SYN3: variants seen among roughly 807,000 people sequenced by gnomAD.
SYN3 encodes synapsin-3.
In SYN3, 35 loss-of-function variants were observed where a neutral mutation model predicts 65.8. The ratio of observed to expected loss-of-function variants is 0.53; its 90% CI spans 0.41 to 0.70. The LOEUF (loss-of-function observed/expected upper bound fraction) is 0.70. SYN3 is among the 30% of genes least tolerant of loss of function. The probability of loss-of-function intolerance (pLI) is 0.00; values close to 1 mark genes in which losing one functional copy is unlikely to be tolerated. For missense variants in SYN3, 680 were observed against 749.0 expected (o/e 0.91, Z 1.08); for synonymous variants, 270 against 292.9 (o/e 0.92, Z 0.80).
At chr22:32,735,216 C>T (rs2061323633) in intron 6 of SYN3, among the ~76,000 whole-genome samples, 1 of 152,186 alleles carries the variant, frequency 6.6e-6, no homozygotes, top group South Asian at 2.1e-4. Flanking sequence ...GATCAAGCCC[C>T]ATATCTGCAT....
chr22:32,579,299 T>G (rs1038611389), intron 7 of SYN3, among the ~76,000 whole-genome samples: 2 of 152,200 alleles, frequency 1.3e-5, no homozygotes, highest in Non-Finnish European at 2.9e-5. Context: ...ACAAAATATC[T>G]TAGACTGGAT....
chr22:32,632,190 C>G (rs140162882), intron 6 of SYN3, among the ~76,000 whole-genome samples: 66 of 152,316 alleles, frequency 4.3e-4, no homozygotes, highest in African/African-American at 1.5e-3. Flanking sequence ...CCTGGGTGTT[C>G]CAGCATACAC....
At chr22:33,033,502 C>A (rs980414398) in intron 1 of SYN3, among the ~76,000 whole-genome samples, 1 of 152,116 alleles carries the variant, frequency 6.6e-6, no homozygotes, top group Non-Finnish European at 1.5e-5. Flanking sequence ...CATTATCCCA[C>A]GGTATTTTCT....
chr22:32,795,494 C>T (rs555001766), intron 6 of SYN3, among the ~76,000 whole-genome samples: 21 of 152,244 alleles, frequency 1.4e-4, no homozygotes, highest in Middle Eastern at 3.4e-3. Flanking sequence ...CCGAGGAGGC[C>T]ATAGGATCTC....
At chr22:32,987,352 G>A (rs1377231475) in intron 2 of SYN3, among the ~76,000 whole-genome samples, 1 of 152,172 alleles carries the variant, frequency 6.6e-6, no homozygotes, top group Non-Finnish European at 1.5e-5. Context: ...AGAGAGTCAC[G>A]TGGCAGGCTG....
chr22:32,711,506 G>A (rs528172364), intron 6 of SYN3, among the ~76,000 whole-genome samples: 2 of 152,298 alleles, frequency 1.3e-5, no homozygotes, highest in Admixed American at 1.3e-4. Context: ...GACAGAGAGA[G>A]GGGCAAGCAG....
intron 4 of SYN3, among the ~76,000 whole-genome samples, chr22:32,929,173 C>A (rs2050560567): frequency 6.6e-6 from 1 of 151,920 alleles, no homozygotes. Context: ...TCCCAGCTAC[C>A]CGGGAGGCTG....
Position 32,671,418 on chromosome 22 carries a change from TACTC to T in SYN3, c.712-74686_712-74683del, listed in dbSNP as rs141425388. Among the ~76,000 whole-genome samples the T allele has an allele frequency of 2.4e-3, 363 of 151,888 alleles. 6 individuals are homozygous for T. The East Asian group carries it at 0.039, about 16-fold the overall frequency. On this transcript the variant is annotated intron_variant, in intron 6 of 13. Coordinates refer to ENST00000358763, the MANE Select transcript of SYN3 (RefSeq NM_003490.4). Reference sequence around the variant, plus strand: ...TCCTCTCACACTCATCTCACATACATACTCACACATCCACCTAAAAACACACCCT... The same window carrying T: ...TCCTCTCACACTCATCTCACATACATACACATCCACCTAAAAACACACCCT...
At chr22:32,717,436 C>T (rs2061054333) in intron 6 of SYN3, among the ~76,000 whole-genome samples, 1 of 152,176 alleles carries the variant, frequency 6.6e-6, no homozygotes, top group Non-Finnish European at 1.5e-5. Context: ...GTAGTCAGGT[C>T]ACCCTGAGCA....
chr22:32,683,519 G>A (rs1180175709), intron 6 of SYN3, among the ~76,000 whole-genome samples: 1 of 152,198 alleles, frequency 6.6e-6, no homozygotes, highest in African/African-American at 2.4e-5. Context: ...GAGGCTGGAA[G>A]TCTGAAATAA....
intron 6 of SYN3, among the ~76,000 whole-genome samples, chr22:32,851,734 A>G (rs914156675): frequency 1.3e-5 from 2 of 152,140 alleles, no homozygotes; most frequent in Non-Finnish European, 2.9e-5. Context: ...TGTTCTTTAT[A>G]TGACTCCCAA....
Position 33,033,016 on chromosome 22 carries a change from CT to C in SYN3, c.-163+25275del, listed in dbSNP as rs976027120. ...GTCACCCATGTGTGCTCAGAATAAA[CT>C]TTTTTTTTTTTTGAGATGGAGTTTC... On this transcript the variant is annotated intron_variant, in intron 1 of 13. Coordinates refer to ENST00000358763, the MANE Select transcript of SYN3 (RefSeq NM_003490.4). Among the ~76,000 whole-genome samples, 206 of 146,388 alleles carry C rather than the reference CT, an allele frequency of 1.4e-3. 1 individual carries two copies. The highest frequency in any genetic ancestry group is 7.4e-3 in the Middle Eastern group (2 of 272).
chr22:32,621,722 G>C (rs1261352647), intron 6 of SYN3, among the ~76,000 whole-genome samples: 1 of 152,210 alleles, frequency 6.6e-6, no homozygotes, highest in Non-Finnish European at 1.5e-5. Flanking sequence ...CTATTTCAGA[G>C]AGAGGGAGAA....
chr22:32,543,348 G>A (rs1001912429), intron 7 of SYN3, among the ~76,000 whole-genome samples: 1 of 152,152 alleles, frequency 6.6e-6, no homozygotes, highest in African/African-American at 2.4e-5. Flanking sequence ...TGAAACTCTG[G>A]ACTCCGAAGG....
At chr22:32,689,941 C>A (rs773959263) in intron 6 of SYN3, among the ~76,000 whole-genome samples, 1 of 151,964 alleles carries the variant, frequency 6.6e-6, no homozygotes, top group Non-Finnish European at 1.5e-5. Flanking sequence ...TTTGGGAAGC[C>A]GAGGCAGGAG....
intron 3 of SYN3, among the ~76,000 whole-genome samples, chr22:32,949,551 C>G (rs561461505): frequency 6.6e-6 from 1 of 152,128 alleles, no homozygotes; most frequent in Admixed American, 6.5e-5. Flanking sequence ...CCCACACACA[C>G]GCATGCATGC....
chr22:32,546,567 T>C (rs1421509093), intron 7 of SYN3, among the ~76,000 whole-genome samples: 2 of 152,012 alleles, frequency 1.3e-5, no homozygotes, highest in Non-Finnish European at 2.9e-5. Flanking sequence ...GAGGGGACTC[T>C]GGGATGGTCC....
intron 6 of SYN3, among the ~76,000 whole-genome samples, chr22:32,663,519 C>T (rs1373067552): frequency 6.6e-6 from 1 of 151,928 alleles, no homozygotes; most frequent in Non-Finnish European, 1.5e-5. Context: ...AGCATGGTCT[C>T]GATCTCCTGA....
intron 6 of SYN3, among the ~76,000 whole-genome samples, chr22:32,757,201 C>A (rs1400562452): frequency 6.6e-6 from 1 of 151,920 alleles, no homozygotes; most frequent in Non-Finnish European, 1.5e-5. Context: ...GGTCTTAGTT[C>A]CAGAGGGAGG....
Sources: allele counts gnomAD v4.1 joint callset (sites outside exome capture counted in the v4.1 genomes callset), GRCh38; gene constraint gnomAD v4.1.1; transcripts MANE v1.5; gene names NCBI Gene and HGNC (gene_info 2026-07-23, HGNC 2026-07-21).